Variants in CORO1C observed in about 807,000 individuals in gnomAD.
CORO1C encodes the protein coronin-1C.
Under a neutral mutation model 51.2 loss-of-function variants are expected in CORO1C, and 14 were observed. The observed-to-expected ratio is 0.27, with a 90% CI of 0.18 to 0.43. The LOEUF (loss-of-function observed/expected upper bound fraction) is 0.43. Ranked by LOEUF, CORO1C falls within the 20% of genes least tolerant of loss-of-function variation. CORO1C has a pLI of 1.00. For missense variants in CORO1C, 417 were observed against 607.8 expected, an observed-to-expected ratio of 0.69 and a Z score of 3.30; for synonymous variants, 181 against 210.5, an observed-to-expected ratio of 0.86 and a Z score of 1.21.
intron 1 of CORO1C, among the ~76,000 whole-genome samples, chr12:108,706,732 C>A (rs4964737): frequency 0.55 from 83,754 of 151,680 alleles, 24,014 homozygotes; most frequent in East Asian, 0.99. Context: ...GTAGCCGGGA[C>A]TACACTGCAC....
At chr12:108,657,212 G>T in intron 6 of CORO1C, 92 bp downstream of exon 6, 1 of 1,486,764 alleles carries the variant, frequency 6.7e-7, no homozygotes, top group Non-Finnish European at 9.0e-7. Context: ...ACTACACTAA[G>T]AATCCCATAA....
intron 1 of CORO1C, among the ~76,000 whole-genome samples, chr12:108,716,724 G>A (rs2035345676): frequency 6.6e-6 from 1 of 152,124 alleles, no homozygotes; most frequent in Non-Finnish European, 1.5e-5. Context: ...GAGTCTACAG[G>A]AAATCCTTCT....
intron 1 of CORO1C, among the ~76,000 whole-genome samples, chr12:108,717,648 T>G (rs1178481759): frequency 6.6e-6 from 1 of 152,186 alleles, no homozygotes; most frequent in Non-Finnish European, 1.5e-5. Flanking sequence ...ATGCCTAATT[T>G]GACTCATGCA....
chr12:108,702,853 C>A lies in CORO1C; in HGVS notation c.-5-1530G>T, dbSNP rs758883297. 2.2e-4 allele frequency: 339 copies of A among 1,535,650 alleles called. 1 individual carries two copies. The highest frequency in any genetic ancestry group is 3.3e-4 in the Middle Eastern group (2 of 6,010). ...CCAATGCTGGGGGCATGTAGCCGGG[C>A]TGAAGTAAGAGACCCTTGGCAGGCA... On this transcript the variant is annotated intron_variant, in intron 1 of 10. Transcript: ENST00000261401.
At chr12:108,694,700 T>G (rs941745730) in intron 2 of CORO1C, among the ~76,000 whole-genome samples, 1 of 152,216 alleles carries the variant, frequency 6.6e-6, no homozygotes, top group Non-Finnish European at 1.5e-5. Flanking sequence ...TCTTGCCATA[T>G]AGCTTTCTCT....
At chr12:108,706,737 C>A (rs2035043046) in intron 1 of CORO1C, among the ~76,000 whole-genome samples, 1 of 152,052 alleles carries the variant, frequency 6.6e-6, no homozygotes, top group Admixed American at 6.6e-5. Flanking sequence ...CGGGACTACA[C>A]TGCACCCAGC....
chr12:108,678,718 TAAAAA>T (rs5800834), intron 2 of CORO1C, among the ~76,000 whole-genome samples: 1 of 113,708 alleles, frequency 8.8e-6, no homozygotes, highest in Non-Finnish European at 1.9e-5. Flanking sequence ...TTCCATGGCT[TAAAAA>T]AAAAAAAAAA....
intron 2 of CORO1C, among the ~76,000 whole-genome samples, chr12:108,689,539 C>T (rs2034424273): frequency 6.6e-6 from 1 of 152,240 alleles, no homozygotes; most frequent in Non-Finnish European, 1.5e-5. Flanking sequence ...TCTAATCCAA[C>T]TCAGGCAGCT....
At chr12:108,690,124 G>A (rs974939146) in intron 2 of CORO1C, among the ~76,000 whole-genome samples, 3 of 152,162 alleles carry the variant, frequency 2.0e-5, no homozygotes, top group African/African-American at 4.8e-5. Context: ...AGGGGACAGC[G>A]GCATGGAAAA....
chr12:108,652,191 T>A (rs1411151252), intron 8 of CORO1C, 81 bp downstream of exon 8: 10 of 1,330,946 alleles, frequency 7.5e-6, no homozygotes, highest in Non-Finnish European at 1.0e-5. Context: ...TTTTGAGATC[T>A]GAAGTATATG....
At chr12:108,726,168 C>T (rs1409043878) in intron 1 of CORO1C, among the ~76,000 whole-genome samples, 1 of 152,064 alleles carries the variant, frequency 6.6e-6, no homozygotes, top group East Asian at 1.9e-4. Flanking sequence ...TAAAAATAAA[C>T]ATAATCTGGG....
chr12:108,718,278 A>AGGAGGCATGAACCTG (rs2035388608), intron 1 of CORO1C, among the ~76,000 whole-genome samples: 1 of 151,924 alleles, frequency 6.6e-6, no homozygotes, highest in Non-Finnish European at 1.5e-5. Flanking sequence ...GCATGAACCC[A>AGGAGGCATGAACCTG]GGAGGCATGA....
chr12:108,690,805 G>A (rs114176302), intron 2 of CORO1C, among the ~76,000 whole-genome samples: 48 of 152,296 alleles, frequency 3.2e-4, no homozygotes, highest in African/African-American at 1.2e-3. Context: ...ATAAAATTGA[G>A]CTAGAAAGCA....
At chr12:108,711,187 A>AC (rs1481244844) in intron 1 of CORO1C, among the ~76,000 whole-genome samples, 4 of 151,898 alleles carry the variant, frequency 2.6e-5, no homozygotes, top group Non-Finnish European at 4.4e-5. Context: ...ACATAGCGAG[A>AC]CCCCATATCT....
intron 3 of CORO1C, among the ~76,000 whole-genome samples, chr12:108,673,629 G>C (rs1053503070): frequency 3.3e-5 from 5 of 152,164 alleles, no homozygotes; most frequent in Admixed American, 6.5e-5. Context: ...TCAATGCCTG[G>C]CTTCAAAGCT....
chr12:108,701,390 GA>G (rs1204947745), intron 1 of CORO1C, 67 bp from the exon 2 acceptor site: 2 of 1,605,342 alleles, frequency 1.2e-6, no homozygotes, highest in African/African-American at 1.3e-5. Flanking sequence ...TTTTACAAAT[GA>G]AATGCTCCAA....
intron 2 of CORO1C, among the ~76,000 whole-genome samples, chr12:108,683,861 A>C (rs1439504411): frequency 6.6e-6 from 1 of 152,184 alleles, no homozygotes; most frequent in Non-Finnish European, 1.5e-5. Flanking sequence ...AGCTTTCCAG[A>C]GAACAGAAAA....
At chr12:108,723,208 G>C (rs891677406) in intron 1 of CORO1C, among the ~76,000 whole-genome samples, 1 of 152,184 alleles carries the variant, frequency 6.6e-6, no homozygotes, top group African/African-American at 2.4e-5. Flanking sequence ...CTGCTTAACA[G>C]AGATGACAGC....
chr12:108,692,639 T>C (rs536908279), intron 2 of CORO1C, among the ~76,000 whole-genome samples: 9 of 152,342 alleles, frequency 5.9e-5, no homozygotes, highest in African/African-American at 2.2e-4. Context: ...TGTCACTGTG[T>C]CCTCACAAGG....
Sources: allele counts gnomAD v4.1 joint callset (sites outside exome capture counted in the v4.1 genomes callset), GRCh38; gene constraint gnomAD v4.1.1; transcripts MANE v1.5; gene names NCBI Gene and HGNC (gene_info 2026-07-23, HGNC 2026-07-21).